Variants in DMD observed in about 807,000 individuals in gnomAD.
DMD encodes mutant dystrophin.
A neutral mutation model predicts 330.1 loss-of-function variants in DMD; 63 were observed. The ratio of observed to expected loss-of-function variants is 0.19; its 90% CI spans 0.16 to 0.24. DMD has a LOEUF of 0.24. Among genes scored for constraint, DMD ranks in the 10% least tolerant of loss-of-function variants. The pLI is 1.00. For synonymous variants in DMD, 1,223 were observed against 959.8 expected (o/e 1.27, Z -5.07); for missense variants, 3,344 against 2,684.1 (o/e 1.25, Z -5.43).
At chrX:33,180,327 C>T (rs1448572532) in intron 1 of DMD, among the ~76,000 whole-genome samples, 1 of 111,479 alleles carries the variant, frequency 9.0e-6, no homozygotes, top group Non-Finnish European at 1.9e-5. Context: ...AAACAGAATA[C>T]TTTCTTATAT....
intron 60 of DMD, among the ~76,000 whole-genome samples, chrX:31,353,114 C>T (rs904291574): frequency 2.7e-5 from 3 of 110,153 alleles, no homozygotes; most frequent in Non-Finnish European, 5.7e-5. Flanking sequence ...TGCTATAGTC[C>T]CTGATCTCTG....
chrX:32,710,067 T>C (rs900471025), intron 7 of DMD, among the ~76,000 whole-genome samples: 2 of 111,732 alleles, frequency 1.8e-5, no homozygotes, highest in African/African-American at 6.5e-5. Context: ...AGGAGCAGCC[T>C]GTATTTTTCT....
chrX:33,163,623 T>TCTAC (rs1194351692), intron 1 of DMD, among the ~76,000 whole-genome samples: 2 of 81,545 alleles, frequency 2.5e-5, no homozygotes, highest in Non-Finnish European at 4.9e-5. Flanking sequence ...TCTATCTCTA[T>TCTAC]CTATCTATCT....
intron 13 of DMD, among the ~76,000 whole-genome samples, chrX:32,593,023 T>C (rs2055105805): frequency 8.9e-6 from 1 of 112,863 alleles, no homozygotes; most frequent in Admixed American, 9.3e-5. Context: ...CTTGCTCACA[T>C]ACCTCTTACT....
At chrX:31,624,751 G>A (rs894090391) in intron 55 of DMD, among the ~76,000 whole-genome samples, 68 of 111,093 alleles carry the variant, frequency 6.1e-4, no homozygotes, top group Middle Eastern at 4.7e-3. Context: ...ATGAATCTAT[G>A]AATACAATGC....
intron 59 of DMD, among the ~76,000 whole-genome samples, chrX:31,473,230 G>T (rs1022308623): frequency 1.9e-5 from 2 of 107,945 alleles, no homozygotes; most frequent in African/African-American, 3.4e-5. Flanking sequence ...TTAGCCAGGC[G>T]TGGTGGCACA....
chrX:31,314,100 G>T (rs1220469065), intron 62 of DMD, among the ~76,000 whole-genome samples: 1 of 112,085 alleles, frequency 8.9e-6, no homozygotes, highest in African/African-American at 3.2e-5. Context: ...CTGCCAAAGT[G>T]CTGGGATTAC....
chrX:32,860,642 T>C (rs2082008273), intron 2 of DMD, among the ~76,000 whole-genome samples: 1 of 111,248 alleles, frequency 9.0e-6, no homozygotes, highest in South Asian at 3.8e-4. Flanking sequence ...CAGTATTCTG[T>C]TGCGGAATAA....
intron 49 of DMD, among the ~76,000 whole-genome samples, chrX:31,835,394 T>C (rs1239450467): frequency 8.9e-6 from 1 of 112,109 alleles, no homozygotes; most frequent in Non-Finnish European, 1.9e-5. Context: ...GAGGGCTGGC[T>C]TTCTTCAGAA....
At chrX:33,034,397 G>A (rs746941021) in intron 1 of DMD, among the ~76,000 whole-genome samples, 12 of 111,502 alleles carry the variant, frequency 1.1e-4, no homozygotes, top group South Asian at 7.6e-4. Context: ...ATCTGGGTTC[G>A]AAAGGTAGTT....
rs1556299261 is a variant in DMD at position 31,214,937 on chromosome X, C to CTTTTTTCTTTTTTTT, written c.9362-5239_9362-5238insAAAAAAAAGAAAAAA. Among the ~76,000 whole-genome samples the CTTTTTTCTTTTTTTT allele has an allele frequency of 8.7e-3, 332 of 38,067 alleles. 22 individuals are homozygous for CTTTTTTCTTTTTTTT. The highest frequency in any genetic ancestry group is 9.3e-3 in the Non-Finnish European group (215 of 23,165). 33.1% of individuals were successfully genotyped at this position (38,067 alleles called of 115,157 possible). A position where few individuals can be genotyped will look rare whatever the true frequency, so the allele number is the denominator to read the frequency against. On this transcript the variant is annotated intron_variant, in intron 64 of 78. Coordinates refer to ENST00000357033, the MANE Select transcript of DMD (RefSeq NM_004006.3). ...AAAGATACTTTTTTATTTCTTTTTT[C>CTTTTTTCTTTTTTTT]TTTTTTTTTTTTTTTTTTTTTTGAG... is the stretch of plus-strand genomic sequence containing the variant.
intron 44 of DMD, among the ~76,000 whole-genome samples, chrX:32,042,095 A>G (rs2096011919): frequency 1.1e-5 from 1 of 93,806 alleles, no homozygotes; most frequent in Non-Finnish European, 2.1e-5. Flanking sequence ...ACACATATGT[A>G]TACATATATA....
At chrX:32,125,686 A>G (rs1394638586) in intron 44 of DMD, among the ~76,000 whole-genome samples, 2 of 112,111 alleles carry the variant, frequency 1.8e-5, no homozygotes, top group East Asian at 5.6e-4. Context: ...CCTTCTTTGG[A>G]ACCTTGTGTA....
intron 53 of DMD, among the ~76,000 whole-genome samples, chrX:31,667,847 A>G (rs1368851607): frequency 9.0e-6 from 1 of 111,696 alleles, no homozygotes; most frequent in Non-Finnish European, 1.9e-5. Context: ...AGGAACTTCC[A>G]AACTGTTTTC....
At chrX:31,932,255 T>A in intron 45 of DMD, 28 bp from the exon 46 acceptor site, 1 of 1,137,658 alleles carries the variant, frequency 8.8e-7, no homozygotes, top group Non-Finnish European at 1.2e-6. Flanking sequence ...AAATTGTTAT[T>A]TTTTTTTCCA....
intron 1 of DMD, among the ~76,000 whole-genome samples, chrX:33,121,495 A>G (rs2095424847): frequency 9.0e-6 from 1 of 111,566 alleles, no homozygotes; most frequent in Non-Finnish European, 1.9e-5. Flanking sequence ...GGCCTCTCAA[A>G]ATGTTGGGAT....
chrX:31,171,778 C>G (rs1325509984), intron 73 of DMD, among the ~76,000 whole-genome samples: 1 of 111,711 alleles, frequency 9.0e-6, no homozygotes, highest in Non-Finnish European at 1.9e-5. Context: ...GCTTATCATC[C>G]TGCTAACAAC....
At chrX:31,536,470 T>C (rs1297656267) in intron 55 of DMD, among the ~76,000 whole-genome samples, 1 of 111,644 alleles carries the variant, frequency 9.0e-6, no homozygotes, top group Non-Finnish European at 1.9e-5. Context: ...TACTTGAAAC[T>C]GCAAACAGAA....
At chrX:32,547,170 C>T (rs992312880) in intron 16 of DMD, among the ~76,000 whole-genome samples, 1 of 110,946 alleles carries the variant, frequency 9.0e-6, no homozygotes, top group Admixed American at 9.7e-5. Flanking sequence ...ACATACAGAC[C>T]AGAATGCAGA....
Sources: gnomAD v4.1 joint callset for allele counts (sites outside exome capture counted in the v4.1 genomes callset) on GRCh38, gnomAD v4.1.1 for gene constraint, MANE v1.5 for transcripts, NCBI Gene and HGNC (gene_info 2026-07-23, HGNC 2026-07-21) for gene names.